Variants in MFAP1 observed in about 807,000 individuals in gnomAD.
MFAP1 encodes microfibrillar-associated protein 1.
Under a neutral mutation model 62.2 loss-of-function variants are expected in MFAP1, and 18 were observed. The ratio of observed to expected loss-of-function variants is 0.29; its 90% confidence interval spans 0.20 to 0.43. The LOEUF is 0.43. Ranked by LOEUF, MFAP1 falls within the 20% of genes least tolerant of loss-of-function variation. MFAP1 has a pLI of 1.00. For synonymous variants in MFAP1, 175 were observed against 180.4 expected, an observed-to-expected ratio of 0.97 and a Z score of 0.24; for missense variants, 355 against 559.7, an observed-to-expected ratio of 0.63 and a Z score of 3.69.
chr15:43,807,135 A>G (rs1172414838), intron 7 of MFAP1, among the ~76,000 whole-genome samples: 1 of 151,690 alleles, frequency 6.6e-6, no homozygotes, highest in East Asian at 2.0e-4. Context: ...CACATCGCCT[A>G]AGGTCAGGAG....
At position 43,813,397 on chromosome 15, in the gene MFAP1, G is replaced by C. The variant is rs776227954; in HGVS notation, c.618-40C>G. ...TCCTGTTAATTGCCCAAAGTCCTTA[G>C]AGTGGAGTGCTTTGTTCCCCTAGAC... On this transcript the variant is annotated intron_variant, in intron 4 of 8. Coordinates refer to ENST00000267812, the MANE Select transcript of MFAP1 (RefSeq NM_005926.3). 2.1e-5 allele frequency: 33 copies of C among 1,569,910 alleles called. No homozygotes were observed. In the South Asian group the frequency reaches 2.7e-4, roughly 13 times the overall value.
chr15:43,815,168 CTTCA>C lies in MFAP1; in HGVS notation c.300-98_300-95del, dbSNP rs927091729. ...TAGCCACAGAGCACATTATGTTTGC[CTTCA>C]TTAATACTGAAGTTTTTTTTTTTTT... is the stretch of plus-strand genomic sequence containing the variant. On this transcript the variant is annotated intron_variant, in intron 2 of 8. Transcript: ENST00000267812. The C allele has an allele frequency of 1.3e-4, 201 of 1,512,678 alleles. 1 individual carries two copies. The highest frequency in any genetic ancestry group is 7.9e-4 in the South Asian group (65 of 82,528). The allele number at this position is 1,512,678 out of a possible 1,614,324, so 93.7% of individuals were successfully genotyped here.
chr15:43,814,488 G>C lies in MFAP1; in HGVS notation c.617+13C>G, dbSNP rs771938719. ...AATTAAGTGGATTCAGATCTGGCTTGTGAGATACTTACTTTCGAATGAAGA... is the reference window on the plus strand; with the variant it reads ...AATTAAGTGGATTCAGATCTGGCTTCTGAGATACTTACTTTCGAATGAAGA... On this transcript the variant is annotated intron_variant, in intron 4 of 8. Transcript: ENST00000267812. 1.9e-6 allele frequency: 3 copies of C among 1,599,862 alleles called. No individual in the cohort carries two copies. In the East Asian group the frequency reaches 6.7e-5, roughly 36 times the overall value.
In MFAP1 at chr15:43,814,907, A is replaced by T. The variant is rs143297512; in HGVS notation, c.429+38T>A. The T allele has an allele frequency of 8.1e-4, 1,299 of 1,608,844 alleles. 13 individuals are homozygous for T. The African/African-American group carries it at 0.016, about 20-fold the overall frequency. ...TGAGCACTGGCATGAACTTTTTCTTATATCCAGAAAAAAACTTCCCATGTT... is the reference window on the plus strand; with the variant it reads ...TGAGCACTGGCATGAACTTTTTCTTTTATCCAGAAAAAAACTTCCCATGTT... On this transcript the variant is annotated intron_variant, in intron 3 of 8. Transcript: ENST00000267812.
intron 7 of MFAP1, among the ~76,000 whole-genome samples, chr15:43,806,339 ACC>A (rs1343703326): frequency 6.6e-6 from 1 of 151,832 alleles, no homozygotes; most frequent in Non-Finnish European, 1.5e-5. Flanking sequence ...TTCCATATCA[ACC>A]TCTTCTCTTT....
intron 7 of MFAP1, 75 bp downstream of exon 7, chr15:43,809,680 T>C: frequency 6.5e-7 from 1 of 1,536,750 alleles, no homozygotes; most frequent in Non-Finnish European, 8.9e-7. Flanking sequence ...CAGAATATTC[T>C]TGAAGAGAAA....
intron 1 of MFAP1, among the ~76,000 whole-genome samples, chr15:43,823,730 G>C (rs2087481774): frequency 1.3e-5 from 2 of 152,176 alleles, no homozygotes; most frequent in African/African-American, 4.8e-5. Flanking sequence ...AGGGAATAAA[G>C]TGTGGATTAC....
intron 4 of MFAP1, 109 bp downstream of exon 4, chr15:43,814,389 ACTT>A (rs1475289167): frequency 1.6e-5 from 20 of 1,232,040 alleles, no homozygotes; most frequent in Non-Finnish European, 1.6e-5. Flanking sequence ...TAGCAAAAGC[ACTT>A]TCACTCAGCG....
chr15:43,814,755 AC>A, intron 3 of MFAP1, 67 bp from the exon 4 acceptor site: 1 of 1,548,370 alleles, frequency 6.5e-7, no homozygotes, highest in East Asian at 2.2e-5. Context: ...CTCATCAAAC[AC>A]AACAAATTCA....
At chr15:43,816,524 C>T (rs1256652857) in intron 2 of MFAP1, among the ~76,000 whole-genome samples, 2 of 152,146 alleles carry the variant, frequency 1.3e-5, no homozygotes, top group Non-Finnish European at 2.9e-5. Flanking sequence ...GGATTACAGG[C>T]GTGAGCCACC....
chr15:43,807,362 T>A (rs2087372449), intron 7 of MFAP1, among the ~76,000 whole-genome samples: 1 of 151,024 alleles, frequency 6.6e-6, no homozygotes, highest in South Asian at 2.1e-4. Context: ...TTAATTTTTT[T>A]TTTTTTGATA....
intron 7 of MFAP1, among the ~76,000 whole-genome samples, chr15:43,808,614 C>G (rs1324096052): frequency 6.6e-6 from 1 of 152,218 alleles, no homozygotes; most frequent in African/African-American, 2.4e-5. Context: ...ATGACCGAAG[C>G]AGTACAAGAA....
intron 1 of MFAP1, among the ~76,000 whole-genome samples, chr15:43,817,799 A>T (rs2087443280): frequency 6.6e-6 from 1 of 152,186 alleles, no homozygotes; most frequent in South Asian, 2.1e-4. Context: ...CCTTAAACAA[A>T]TTATTTGTAA....
chr15:43,813,388 A>G (rs553389201), intron 4 of MFAP1, 31 bp from the exon 5 acceptor site: 20 of 1,588,420 alleles, frequency 1.3e-5, no homozygotes, highest in Non-Finnish European at 1.5e-5. Flanking sequence ...TAATTGCCCA[A>G]AGTCCTTAGA....
chr15:43,805,109 C>T lies in MFAP1; in HGVS notation c.1305G>A (p.Lys435=), dbSNP rs756299048. Reference sequence around the variant, plus strand: ...CAGTTGGACCCTAGGTAGTTTTCCGCTTCTTGGCAGATGGCCGCTCAAATA... The same window carrying T: ...CAGTTGGACCCTAGGTAGTTTTCCGTTTCTTGGCAGATGGCCGCTCAAATA... ...RDVFERPSAK[K]RKTT Residue 435 remains lysine (K), a synonymous_variant, in exon 9 of 9, where the codon AAG becomes AAA. Transcript: ENST00000267812. 1.3e-6 allele frequency: 2 copies of T among 1,586,312 alleles called. No homozygotes were observed. Among genetic ancestry groups the T allele is most frequent in the South Asian group, 1.1e-5 (1 of 89,892 alleles).
At chr15:43,817,530 C>G in intron 1 of MFAP1, 82 bp from the exon 2 acceptor site, 1 of 1,354,782 alleles carries the variant, frequency 7.4e-7, no homozygotes, top group Non-Finnish European at 1.0e-6. Context: ...AAATAGAGCC[C>G]TTTATTCATA....
intron 4 of MFAP1, 76 bp from the exon 5 acceptor site, chr15:43,813,433 C>T: frequency 7.4e-7 from 1 of 1,352,764 alleles, no homozygotes; most frequent in Non-Finnish European, 1.0e-6. Flanking sequence ...CTAGTCCCAT[C>T]CAAATCAGAC....
intron 6 of MFAP1, among the ~76,000 whole-genome samples, chr15:43,810,627 A>G (rs1452728323): frequency 6.6e-6 from 1 of 152,146 alleles, no homozygotes; most frequent in African/African-American, 2.4e-5. Flanking sequence ...TTGGCCTTCC[A>G]AAGTGTTGGG....
chr15:43,811,799 C>A (rs578006883), intron 6 of MFAP1, among the ~76,000 whole-genome samples: 68 of 152,124 alleles, frequency 4.5e-4, no homozygotes, highest in African/African-American at 1.5e-3. Context: ...TGAGCCATCA[C>A]GCCCAGCCTA....
Sources: allele counts gnomAD v4.1 joint callset (sites outside exome capture counted in the v4.1 genomes callset), GRCh38; gene constraint gnomAD v4.1.1; transcripts MANE v1.5; gene names NCBI Gene and HGNC (gene_info 2026-07-23, HGNC 2026-07-21).